Variants in VPS13B observed in about 807,000 individuals in gnomAD.
VPS13B encodes the protein vacuolar protein sorting 13 homolog B, also known as intermembrane lipid transfer protein VPS13B.
In VPS13B, 285 loss-of-function variants were observed where a neutral mutation model predicts 426.4. The observed-to-expected ratio is 0.67, with a 90% CI of 0.61 to 0.74. The LOEUF (loss-of-function observed/expected upper bound fraction) is 0.74, where lower values mean the gene tolerates loss of function less well. Ranked by LOEUF, VPS13B falls within the 30% of genes least tolerant of loss-of-function variation. VPS13B has a pLI of 0.00. For synonymous variants in VPS13B, 1,676 were observed against 1,676.4 expected (o/e 1.00, Z 0.01); for missense variants, 4,537 against 4,782.6 (o/e 0.95, Z 1.51).
At chr8:99,344,976 TCAAGTTTTC>T (rs1335152356) in intron 19 of VPS13B, among the ~76,000 whole-genome samples, 3 of 152,212 alleles carry the variant, frequency 2.0e-5, no homozygotes, top group African/African-American at 2.4e-5. Context: ...AAAAATATTT[TCAAGTTTTC>T]CAAGTTTTCC....
chr8:99,764,765 GATCT>G (rs1811126597), intron 39 of VPS13B, among the ~76,000 whole-genome samples: 1 of 151,966 alleles, frequency 6.6e-6, no homozygotes, highest in East Asian at 1.9e-4. Context: ...ACATCCTATA[GATCT>G]GCATGTTACA....
chr8:99,519,784 T>C (rs1047366096), intron 29 of VPS13B, among the ~76,000 whole-genome samples: 5 of 118,806 alleles, frequency 4.2e-5, no homozygotes, highest in African/African-American at 6.4e-5. Context: ...GGGAACATCA[T>C]ACACCGGGGC....
At chr8:99,702,963 T>C (rs1832345662) in intron 36 of VPS13B, among the ~76,000 whole-genome samples, 1 of 152,130 alleles carries the variant, frequency 6.6e-6, no homozygotes. Flanking sequence ...TTGTCAAAGG[T>C]ACAAAAATAT....
intron 27 of VPS13B, among the ~76,000 whole-genome samples, chr8:99,503,413 T>A (rs1821341915): frequency 6.6e-6 from 1 of 152,176 alleles, no homozygotes; most frequent in Non-Finnish European, 1.5e-5. Flanking sequence ...GTCAATGATG[T>A]CATTTGCCAC....
intron 19 of VPS13B, among the ~76,000 whole-genome samples, chr8:99,335,375 T>C (rs1810784005): frequency 6.6e-6 from 1 of 152,206 alleles, no homozygotes; most frequent in Non-Finnish European, 1.5e-5. Context: ...GCTCTGATTT[T>C]AGTTATTTCT....
intron 19 of VPS13B, among the ~76,000 whole-genome samples, chr8:99,368,496 C>T (rs1813007036): frequency 6.6e-6 from 1 of 152,082 alleles, no homozygotes; most frequent in Admixed American, 6.5e-5. Flanking sequence ...ACCATTGTAT[C>T]CTCTCAGTGC....
intron 19 of VPS13B, among the ~76,000 whole-genome samples, chr8:99,377,482 T>C (rs911309338): frequency 4.6e-5 from 7 of 152,366 alleles, no homozygotes; most frequent in African/African-American, 1.7e-4. Flanking sequence ...TAGTGAGTTT[T>C]GTACTTCAAC....
At chr8:99,049,034 C>G (rs1461796623) in intron 3 of VPS13B, among the ~76,000 whole-genome samples, 1 of 151,996 alleles carries the variant, frequency 6.6e-6, no homozygotes, top group Non-Finnish European at 1.5e-5. Context: ...ACCCCTTTAC[C>G]TTAAGTTTAT....
intron 4 of VPS13B, 105 bp from the exon 5 acceptor site, chr8:99,102,848 A>G: frequency 8.5e-7 from 1 of 1,175,088 alleles, no homozygotes; most frequent in African/African-American, 1.5e-5. Context: ...GAAATATGCT[A>G]AATAATAACC....
chr8:99,258,301 T>C (rs1817861903), intron 17 of VPS13B, among the ~76,000 whole-genome samples: 2 of 151,888 alleles, frequency 1.3e-5, no homozygotes, highest in Admixed American at 1.3e-4. Context: ...TATTTTCATA[T>C]TTATGCCTTT....
chr8:99,634,112 A>G (rs987188216), intron 33 of VPS13B, among the ~76,000 whole-genome samples: 1 of 151,984 alleles, frequency 6.6e-6, no homozygotes, highest in Admixed American at 6.6e-5. Flanking sequence ...ATATATGTAT[A>G]AAGGGACAAA....
Position 99,520,964 on chromosome 8 carries a change from G to C in VPS13B, c.4699G>C (p.Ala1567Pro), listed in dbSNP as rs1488922033. The change falls in exon 30 of 62, where the codon GCT (alanine) becomes CCT (proline). Residue 1567 changes from alanine (A) to proline (P), a missense_variant. By Grantham distance (27) the Ala-to-Pro change is conservative (BLOSUM62 -1). Around this residue, in one of 2 missense-constraint regions of VPS13B, gnomAD observed 4,311 missense variants for 4,474.3 expected, o/e 0.96. Coordinates refer to ENST00000357162, the MANE Select transcript of VPS13B (RefSeq NM_152564.5). ...TGGCTCTGTTGCCATGGCTCCCCAG[G>C]CTGACAATCCCCTTGGCAGATCTGT... The part of the protein sequence containing the change: ...KIGSVAMAPQ[A>P]DNPLGRSVLR... The C allele has an allele frequency of 6.2e-7, 1 of 1,613,714 alleles. No homozygotes were observed. The highest frequency in any genetic ancestry group is 2.2e-5 in the East Asian group (1 of 44,854).
intron 17 of VPS13B, among the ~76,000 whole-genome samples, chr8:99,241,675 C>G (rs1358178687): frequency 6.6e-6 from 1 of 152,082 alleles, no homozygotes; most frequent in Non-Finnish European, 1.5e-5. Flanking sequence ...AGTGGAAAAG[C>G]CAGTTATTCA....
chr8:99,614,810 G>A, intron 33 of VPS13B, among the ~76,000 whole-genome samples: 1 of 151,954 alleles, frequency 6.6e-6, no homozygotes, highest in East Asian at 1.9e-4. Flanking sequence ...CCTTTACCAA[G>A]TTTCATGTTA....
rs149913070 is a variant in VPS13B, at chr8:99,269,036, A to G, written c.2516-5162A>G. Among the ~76,000 whole-genome samples the G allele has an allele frequency of 1.1e-4, 16 of 152,192 alleles. No homozygotes were observed. In the East Asian group the frequency reaches 2.9e-3, roughly 28 times the overall value. ...CACTTCTCTCTCCTGCCACCTTGTG[A>G]AGAAGGACGTGTTTGCTTCCCTTCC... On this transcript the variant is annotated intron_variant, in intron 17 of 61. Coordinates refer to ENST00000357162, the MANE Select transcript of VPS13B (RefSeq NM_152564.5).
At chr8:99,864,831 G>A (rs574843250) in intron 58 of VPS13B, among the ~76,000 whole-genome samples, 13 of 152,288 alleles carry the variant, frequency 8.5e-5, no homozygotes, top group African/African-American at 2.9e-4. Context: ...AGGAGCCTGG[G>A]CCTTTCCACC....
intron 39 of VPS13B, among the ~76,000 whole-genome samples, chr8:99,754,117 A>G (rs950126136): frequency 3.4e-5 from 3 of 87,308 alleles, no homozygotes; most frequent in Admixed American, 1.4e-4. Context: ...TATGACTTCT[A>G]TTAGTTGAAG....
chr8:99,310,503 A>G (rs1820896268), intron 19 of VPS13B, among the ~76,000 whole-genome samples: 1 of 152,128 alleles, frequency 6.6e-6, no homozygotes, highest in African/African-American at 2.4e-5. Flanking sequence ...TGATTTGCGT[A>G]TGTTGAACCA....
At position 99,408,933 on chromosome 8, in the gene VPS13B, T is replaced by A. The variant is rs553051018; in HGVS notation, c.3082+17229T>A. Among the ~76,000 whole-genome samples, 6 of 152,272 alleles carry A rather than the reference T, an allele frequency of 3.9e-5. No individual in the cohort carries two copies. In the East Asian group the frequency reaches 5.8e-4, roughly 15 times the overall value. ...TTTTAAGGATGTGGAAATGATCAACTTTTTCAGATTCCTCTAATAGTTCAG... is the reference window on the plus strand; with the variant it reads ...TTTTAAGGATGTGGAAATGATCAACATTTTCAGATTCCTCTAATAGTTCAG... On this transcript the variant is annotated intron_variant, in intron 21 of 61. Transcript: ENST00000357162.
Sources: allele counts gnomAD v4.1 joint callset (sites outside exome capture counted in the v4.1 genomes callset), GRCh38; gene constraint gnomAD v4.1.1; regional missense constraint gnomAD v4.1.1; transcripts MANE v1.5; gene names NCBI Gene and HGNC (gene_info 2026-07-23, HGNC 2026-07-21).